The following CCDC178 variants were observed in gnomAD, a reference collection of about 807,000 sequenced individuals.
The protein encoded by CCDC178 is coiled-coil domain containing 178.
A neutral mutation model predicts 117.4 loss-of-function variants in CCDC178; 126 were observed. The ratio of observed to expected loss-of-function variants is 1.07; its 90% CI spans 0.93 to 1.24. The LOEUF (loss-of-function observed/expected upper bound fraction) is 1.24. Ranked by LOEUF, CCDC178 falls within the 50% of genes most tolerant of loss-of-function variation. The probability of loss-of-function intolerance (pLI) is 0.00; values close to 1 mark genes in which losing one functional copy is unlikely to be tolerated. For missense variants in CCDC178, 1,030 were observed against 986.9 expected, an observed-to-expected ratio of 1.04 and a Z score of -0.59; for synonymous variants, 283 against 313.4, an observed-to-expected ratio of 0.90 and a Z score of 1.02.
chr18:33,306,539 TAATATATGGTTATA>T (rs2062255340), intron 11 of CCDC178, among the ~76,000 whole-genome samples: 1 of 146,890 alleles, frequency 6.8e-6, no homozygotes, highest in African/African-American at 2.5e-5. Context: ...TGGTTATATA[TAATATATGGTTATA>T]TATATATGGT....
At chr18:33,403,277 C>T (rs183083734) in intron 3 of CCDC178, among the ~76,000 whole-genome samples, 21 of 152,180 alleles carry the variant, frequency 1.4e-4, no homozygotes, top group Admixed American at 5.2e-4. Flanking sequence ...ATATCTGTTC[C>T]GCCATTAATT....
At position 33,011,767 on chromosome 18, in the gene CCDC178, C is replaced by CAAAAAA. The variant is rs71177899; in HGVS notation, c.2389-37092_2389-37087dup. Among the ~76,000 whole-genome samples the CAAAAAA allele has an allele frequency of 2.4e-3, 71 of 29,998 alleles. 17 individuals carry two copies. Among genetic ancestry groups the CAAAAAA allele is most frequent in the Non-Finnish European group, 3.3e-3 (37 of 11,128 alleles). The allele number at this position is 29,998 out of a possible 152,430, so 19.7% of individuals were successfully genotyped here. A position where few individuals can be genotyped will look rare whatever the true frequency, so the allele number is the denominator to read the frequency against. ...ACGTGGCAAATGATTGAGCAGAATG[C>CAAAAAA]AAAAAAAAAAAAAAAAAAAAAAAAA... On this transcript the variant is annotated intron_variant, in intron 21 of 22. Transcript: ENST00000383096.
intron 11 of CCDC178, among the ~76,000 whole-genome samples, chr18:33,294,132 C>T (rs1232282374): frequency 6.6e-6 from 1 of 152,142 alleles, no homozygotes; most frequent in African/African-American, 2.4e-5. Flanking sequence ...ATATGACCCT[C>T]CCAAGAGGAC....
chr18:32,950,217 T>G (rs1214074035), intron 22 of CCDC178, among the ~76,000 whole-genome samples: 1 of 152,178 alleles, frequency 6.6e-6, no homozygotes, highest in Non-Finnish European at 1.5e-5. Context: ...CCTGATACTG[T>G]GTCTTGTAAA....
chr18:33,389,673 TATAGA>T, intron 4 of CCDC178, 44 bp from the exon 5 acceptor site: 1 of 1,024,676 alleles, frequency 9.8e-7, no homozygotes, highest in Non-Finnish European at 1.4e-6. Flanking sequence ...TAGTTAATAT[TATAGA>T]AAATTTTAAA....
chr18:33,113,610 G>A (rs552032541), intron 20 of CCDC178, among the ~76,000 whole-genome samples: 2 of 152,052 alleles, frequency 1.3e-5, no homozygotes, highest in Admixed American at 1.3e-4. Flanking sequence ...AATTACAAGG[G>A]TTATAAATCT....
chr18:33,403,964 A>G (rs2063745241), intron 3 of CCDC178, among the ~76,000 whole-genome samples: 1 of 152,198 alleles, frequency 6.6e-6, no homozygotes, highest in Admixed American at 6.5e-5. Flanking sequence ...AATTATTGCC[A>G]GGGTAAAAAT....
intron 20 of CCDC178, among the ~76,000 whole-genome samples, chr18:33,108,643 T>A (rs1156970907): frequency 3.3e-5 from 5 of 151,686 alleles, no homozygotes. Flanking sequence ...ATTAAATAAG[T>A]AAGAATATTT....
chr18:33,392,732 C>T (rs182574619), intron 4 of CCDC178, among the ~76,000 whole-genome samples: 84 of 152,118 alleles, frequency 5.5e-4, no homozygotes, highest in Middle Eastern at 3.4e-3. Context: ...CATGGTGGCA[C>T]GCACCTGTAG....
intron 10 of CCDC178, among the ~76,000 whole-genome samples, chr18:33,328,689 T>C (rs1404955699): frequency 6.6e-6 from 1 of 152,142 alleles, no homozygotes. Context: ...TAGGCAAATA[T>C]ATTTTGCTTA....
intron 12 of CCDC178, among the ~76,000 whole-genome samples, chr18:33,268,229 A>C (rs2059843423): frequency 6.6e-6 from 1 of 151,894 alleles, no homozygotes; most frequent in African/African-American, 2.4e-5. Context: ...GCTACCAGAT[A>C]CTAAAACATC....
intron 20 of CCDC178, among the ~76,000 whole-genome samples, chr18:33,104,637 C>T (rs561111195): frequency 1.3e-5 from 2 of 151,688 alleles, no homozygotes; most frequent in African/African-American, 4.8e-5. Flanking sequence ...AACTAAAAAT[C>T]TCTGGGGAAA....
intron 9 of CCDC178, among the ~76,000 whole-genome samples, chr18:33,337,707 T>TGTA (rs1482570877): frequency 1.1e-4 from 16 of 152,268 alleles, no homozygotes; most frequent in African/African-American, 3.8e-4. Flanking sequence ...GCAAGCCACA[T>TGTA]GTAGAAGAAT....
At chr18:33,085,073 C>T (rs1429527495) in intron 21 of CCDC178, among the ~76,000 whole-genome samples, 1 of 152,064 alleles carries the variant, frequency 6.6e-6, no homozygotes, top group African/African-American at 2.4e-5. Context: ...TAATTCATCC[C>T]ATATTCTCAG....
At chr18:33,341,159 A>G (rs994300682) in intron 9 of CCDC178, among the ~76,000 whole-genome samples, 4 of 152,120 alleles carry the variant, frequency 2.6e-5, no homozygotes, top group African/African-American at 9.7e-5. Context: ...CTGGAGTCAA[A>G]GGAGATCATT....
At chr18:32,996,099 T>C (rs1424955664) in intron 21 of CCDC178, among the ~76,000 whole-genome samples, 1 of 151,878 alleles carries the variant, frequency 6.6e-6, no homozygotes, top group Non-Finnish European at 1.5e-5. Context: ...TGAGCTTTCC[T>C]TTATGGTTTA....
intron 3 of CCDC178, among the ~76,000 whole-genome samples, chr18:33,400,714 C>G (rs1444113969): frequency 6.6e-6 from 1 of 152,174 alleles, no homozygotes; most frequent in African/African-American, 2.4e-5. Context: ...CTAAAACTTT[C>G]TTCGTATCAG....
At chr18:33,410,549 C>T (rs963754123) in intron 3 of CCDC178, among the ~76,000 whole-genome samples, 2 of 151,992 alleles carry the variant, frequency 1.3e-5, no homozygotes, top group Admixed American at 6.6e-5. Flanking sequence ...GATTCTAACC[C>T]AAGGCTAATA....
chr18:33,285,039 A>C (rs1416749441), intron 12 of CCDC178, among the ~76,000 whole-genome samples: 1 of 152,110 alleles, frequency 6.6e-6, no homozygotes, highest in Non-Finnish European at 1.5e-5. Flanking sequence ...ATAAAAGTAC[A>C]TATTAACACA....
Sources: gnomAD v4.1 joint callset for allele counts (sites outside exome capture counted in the v4.1 genomes callset) on GRCh38, gnomAD v4.1.1 for gene constraint, MANE v1.5 for transcripts, NCBI Gene and HGNC (gene_info 2026-07-23, HGNC 2026-07-21) for gene names.